HPSE2: variants seen among roughly 807,000 people sequenced by gnomAD.
The protein encoded by HPSE2 is inactive heparanase-2.
In HPSE2, 38 loss-of-function variants were observed where a neutral mutation model predicts 60.5. The ratio of observed to expected loss-of-function variants is 0.63; its 90% CI spans 0.48 to 0.82. HPSE2 has a LOEUF of 0.82. HPSE2 is among the 40% of genes least tolerant of loss of function. The probability of loss-of-function intolerance (pLI) is 0.00; values close to 1 mark genes in which losing one functional copy is unlikely to be tolerated. For missense variants in HPSE2, 713 were observed against 740.4 expected (o/e 0.96, Z 0.43); for synonymous variants, 295 against 293.2 (o/e 1.01, Z -0.06).
chr10:98,852,010 G>A (rs1337429946), intron 3 of HPSE2, among the ~76,000 whole-genome samples: 1 of 150,470 alleles, frequency 6.6e-6, no homozygotes, highest in Non-Finnish European at 1.5e-5. Flanking sequence ...CAGACTGTTT[G>A]CAGACAGCAC....
intron 3 of HPSE2, among the ~76,000 whole-genome samples, chr10:98,813,471 T>C (rs185982135): frequency 3.9e-5 from 6 of 152,312 alleles, no homozygotes; most frequent in African/African-American, 1.4e-4. Context: ...GAAGAATTGC[T>C]GATCTTAGAA....
intron 2 of HPSE2, among the ~76,000 whole-genome samples, chr10:99,209,483 AG>A (rs1419330482): frequency 1.3e-5 from 2 of 152,228 alleles, no homozygotes; most frequent in Non-Finnish European, 2.9e-5. Context: ...TATGGGAAGC[AG>A]CAAAATAAGA....
At chr10:98,731,435 G>A (rs540234465) in intron 4 of HPSE2, among the ~76,000 whole-genome samples, 1 of 152,270 alleles carries the variant, frequency 6.6e-6, no homozygotes, top group African/African-American at 2.4e-5. Context: ...TGGGATTTAT[G>A]CCAAGAACGC....
intron 3 of HPSE2, among the ~76,000 whole-genome samples, chr10:99,109,425 A>G (rs766185670): frequency 6.6e-6 from 1 of 152,082 alleles, no homozygotes; most frequent in African/African-American, 2.4e-5. Flanking sequence ...CTAGAGTACT[A>G]AATGCTAAAA....
intron 2 of HPSE2, among the ~76,000 whole-genome samples, chr10:99,222,913 G>A (rs961649724): frequency 6.6e-6 from 1 of 152,110 alleles, no homozygotes; most frequent in African/African-American, 2.4e-5. Context: ...AAGGCATATG[G>A]CACACATTTT....
chr10:98,676,675 C>A (rs1186405705), intron 6 of HPSE2, among the ~76,000 whole-genome samples: 3 of 152,130 alleles, frequency 2.0e-5, no homozygotes, highest in Non-Finnish European at 4.4e-5. Context: ...ACACTGTTCA[C>A]TGACTAGGGG....
At chr10:98,581,508 A>G (rs1443063423) in intron 9 of HPSE2, among the ~76,000 whole-genome samples, 1 of 152,132 alleles carries the variant, frequency 6.6e-6, no homozygotes, top group Non-Finnish European at 1.5e-5. Context: ...ATATATTTTT[A>G]CTATTAGTTA....
intron 4 of HPSE2, among the ~76,000 whole-genome samples, chr10:98,729,596 G>A (rs1052355516): frequency 3.7e-4 from 57 of 152,110 alleles, no homozygotes; most frequent in African/African-American, 1.3e-3. Flanking sequence ...GTGACAGAGC[G>A]AGACTCTGTC....
intron 4 of HPSE2, among the ~76,000 whole-genome samples, chr10:98,742,391 C>T (rs1346968711): frequency 6.6e-6 from 1 of 151,952 alleles, no homozygotes; most frequent in Admixed American, 6.6e-5. Context: ...TACACATGGG[C>T]ACACACACAC....
intron 3 of HPSE2, among the ~76,000 whole-genome samples, chr10:99,042,589 G>A (rs1564759897): frequency 6.6e-6 from 1 of 151,956 alleles, no homozygotes; most frequent in Non-Finnish European, 1.5e-5. Flanking sequence ...TGCACACTCA[G>A]AGCACAAAAA....
chr10:98,573,651 G>C (rs573289370), intron 9 of HPSE2, among the ~76,000 whole-genome samples: 1 of 152,032 alleles, frequency 6.6e-6, no homozygotes, highest in Admixed American at 6.6e-5. Context: ...TTTTCACCTC[G>C]CACTTTTTCA....
chr10:98,931,356 A>C (rs1954635862), intron 3 of HPSE2, among the ~76,000 whole-genome samples: 1 of 143,780 alleles, frequency 7.0e-6, no homozygotes, highest in Admixed American at 6.9e-5. Flanking sequence ...GTACCATGCT[A>C]TTTTGGTTAC....
chr10:98,791,562 T>A (rs555292635), intron 3 of HPSE2, among the ~76,000 whole-genome samples: 1 of 152,330 alleles, frequency 6.6e-6, no homozygotes, highest in Admixed American at 6.5e-5. Flanking sequence ...TTTCAAATAT[T>A]TGACCAAAAT....
At chr10:99,277,568 T>C in the HPSE2 span, among the ~76,000 whole-genome samples, 23 of 152,292 alleles carry the variant, frequency 1.5e-4, no homozygotes, top group African/African-American at 5.3e-4. Context: ...CTTCTACCCC[T>C]GAGGGAACTT....
chr10:98,688,166 A>T (rs1346808110), intron 6 of HPSE2, among the ~76,000 whole-genome samples: 1 of 152,122 alleles, frequency 6.6e-6, no homozygotes, highest in East Asian at 1.9e-4. Context: ...TCTCAGAGTA[A>T]GTATTGTACT....
intron 3 of HPSE2, among the ~76,000 whole-genome samples, chr10:98,889,672 C>CCCTG (rs1306355290): frequency 6.6e-6 from 1 of 152,046 alleles, no homozygotes; most frequent in African/African-American, 2.4e-5. Flanking sequence ...GTCAAGTGGG[C>CCCTG]CCTGGGTTGA....
At chr10:98,539,833 T>C (rs1317935019) in intron 9 of HPSE2, among the ~76,000 whole-genome samples, 1 of 152,170 alleles carries the variant, frequency 6.6e-6, no homozygotes, top group Non-Finnish European at 1.5e-5. Flanking sequence ...ACTTCCATAC[T>C]CATTCCTGAT....
chr10:98,949,719 T>C (rs940786254), intron 3 of HPSE2, among the ~76,000 whole-genome samples: 1 of 152,148 alleles, frequency 6.6e-6, no homozygotes, highest in Admixed American at 6.6e-5. Flanking sequence ...TAGAAGATAT[T>C]ATTATTCCTG....
At chr10:98,644,922 G>C (rs1946728419) in intron 6 of HPSE2, among the ~76,000 whole-genome samples, 1 of 152,176 alleles carries the variant, frequency 6.6e-6, no homozygotes, top group Non-Finnish European at 1.5e-5. Context: ...AATTGGATTG[G>C]AGCGGGAGGA....
Sources: allele counts gnomAD v4.1 joint callset (sites outside exome capture counted in the v4.1 genomes callset), GRCh38; gene constraint gnomAD v4.1.1; transcripts MANE v1.5; gene names NCBI Gene and HGNC (gene_info 2026-07-23, HGNC 2026-07-21).